Variants in MAST1 observed in about 807,000 individuals in gnomAD.
MAST1 encodes microtubule-associated serine/threonine-protein kinase 1.
MAST1 carries 40 observed loss-of-function variants against 124.6 expected under a neutral mutation model. The observed-to-expected ratio is 0.32, with a 90% CI of 0.25 to 0.42. The LOEUF is 0.42. Ranked by LOEUF, MAST1 falls within the 10% of genes least tolerant of loss-of-function variation. The probability of loss-of-function intolerance (pLI) is 1.00; values close to 1 mark genes in which losing one functional copy is unlikely to be tolerated. For synonymous variants in MAST1, 938 were observed against 939.4 expected (o/e 1.00, Z 0.03); for missense variants, 1,558 against 2,181.9 (o/e 0.71, Z 5.70).
rs11085818 is a variant in MAST1 at position 12,841,457 on chromosome 19, G to A, written c.248+391G>A. Among the ~76,000 whole-genome samples the A allele has an allele frequency of 0.29, 44,363 of 152,180 alleles. 7,073 individuals carry two copies. Among genetic ancestry groups the A allele is most frequent in the East Asian group, 0.61 (3,132 of 5,164 alleles). ...TCGAGGGACTCTTGGTCCCCGAGGT[G>A]GGGGAGGACGACTAGGGCTGTTTCT... On this transcript the variant is annotated intron_variant, in intron 3 of 25. Coordinates refer to ENST00000251472, the MANE Select transcript of MAST1 (RefSeq NM_014975.3). The surrounding 1 kb of genome is among the most constrained non-coding windows in gnomAD (Gnocchi z 4.3).
At chr19:12,842,292 CTTTT>C (rs57798756) in intron 3 of MAST1, among the ~76,000 whole-genome samples, 2 of 148,132 alleles carry the variant, frequency 1.4e-5, no homozygotes, top group African/African-American at 5.0e-5. Flanking sequence ...CTCTCTCTCT[CTTTT>C]TTTTTTCTTT....
Position 12,841,169 on chromosome 19 carries a change from C to G in MAST1, c.248+103C>G. 1.5e-6 allele frequency: 1 copy of G among 673,804 alleles called. No individual in the cohort carries two copies. Among genetic ancestry groups the G allele is most frequent in the Non-Finnish European group, 2.7e-6 (1 of 370,932 alleles). The allele number at this position is 673,804 out of a possible 1,614,324, so 41.7% of individuals were successfully genotyped here. On this transcript the variant is annotated intron_variant, in intron 3 of 25. Coordinates refer to ENST00000251472, the MANE Select transcript of MAST1 (RefSeq NM_014975.3). The surrounding 1 kb of genome is among the most constrained non-coding windows in gnomAD (Gnocchi z 4.3). ...CTCCTAATTGCACCCGAGCTGGGGC[C>G]TGAGGGGACCAGCGAGTGCCCCAAG...
In MAST1 at chr19:12,838,750, C is replaced by CGGTCCAGCTGCGCCAGAGGT; in HGVS notation, c.83+97_83+116dup. 8.7e-7 allele frequency: 1 copy of CGGTCCAGCTGCGCCAGAGGT among 1,146,050 alleles called. No homozygotes were observed. The highest frequency in any genetic ancestry group is 1.2e-6 in the Non-Finnish European group (1 of 825,200). The allele number at this position is 1,146,050 out of a possible 1,614,324, so 71.0% of individuals were successfully genotyped here. On this transcript the variant is annotated intron_variant, in intron 1 of 25. Transcript: ENST00000251472. This position sits in a 1 kb window ranked among gnomAD's most constrained non-coding sequence, Gnocchi z 4.3. Reference sequence around the variant, plus strand: ...AGGGCGGGGCCCGGGATGCTGCGCCCGGTCCAGCTGCGCCAGAGGTGCCCC... The same window carrying CGGTCCAGCTGCGCCAGAGGT: ...AGGGCGGGGCCCGGGATGCTGCGCCCGGTCCAGCTGCGCCAGAGGTGGTCCAGCTGCGCCAGAGGTGCCCC...
intron 12 of MAST1, among the ~76,000 whole-genome samples, chr19:12,863,659 G>A (rs1018561975): frequency 3.3e-5 from 5 of 152,138 alleles, no homozygotes; most frequent in African/African-American, 1.2e-4. Context: ...TACAGGAAAA[G>A]AGTGAAAATT....
At chr19:12,845,031 G>A (rs1373669125) in intron 4 of MAST1, among the ~76,000 whole-genome samples, 1 of 152,142 alleles carries the variant, frequency 6.6e-6, no homozygotes, top group Non-Finnish European at 1.5e-5. Flanking sequence ...GCCGGGCGCG[G>A]TGGCTCATGC....
chr19:12,867,745 G>C lies in MAST1; in HGVS notation c.2334G>C (p.Ala778=). 6.5e-7 allele frequency: 1 copy of C among 1,533,816 alleles called. No individual in the cohort carries two copies. The highest frequency in any genetic ancestry group is 8.8e-7 in the Non-Finnish European group (1 of 1,140,904). The part of the protein sequence containing the change: ...GGSPEIKRFS[A]SEASFLEGEA... ...CTCCATGCAGCAAGCGATTCTCCGC[G>C]TCCGAGGCCAGTTTCCTGGAGGGAG... Residue 778 remains alanine (A), a synonymous_variant, in exon 20 of 26, where the codon GCG becomes GCC. Coordinates refer to ENST00000251472, the MANE Select transcript of MAST1 (RefSeq NM_014975.3).
Position 12,871,088 on chromosome 19 carries a change from G to T in MAST1, c.3179G>T (p.Arg1060Leu). ...ACGCCCTTCGAAAATACCTCTATCC[G>T]CATTGGTCCCGCAAGGCGCAGCAGC... ...TTTPFENTSI[R>L]IGPARRSSYK... is the part of the protein sequence containing the mutation. Residue 1060 changes from arginine (R) to leucine (L), a missense_variant, in exon 24 of 26, where the codon CGC becomes CTC. By Grantham distance (102) the Arg-to-Leu change is moderately radical (BLOSUM62 -2). Around this residue, in one of 10 missense-constraint regions of MAST1, gnomAD observed 291 missense variants for 475.8 expected, o/e 0.61. Transcript: ENST00000251472. 3 of 1,614,190 alleles carry T rather than the reference G, an allele frequency of 1.9e-6. No homozygotes were observed. Among genetic ancestry groups the T allele is most frequent in the Non-Finnish European group, 8.5e-7 (1 of 1,180,030 alleles).
At chr19:12,844,424 C>T (rs993155497) in intron 4 of MAST1, among the ~76,000 whole-genome samples, 1 of 152,162 alleles carries the variant, frequency 6.6e-6, no homozygotes, top group Non-Finnish European at 1.5e-5. Flanking sequence ...TAAATATTCA[C>T]GCAGCCCTCA....
At chr19:12,869,484 A>T (rs1196889075) in intron 22 of MAST1, among the ~76,000 whole-genome samples, 189 bp downstream of exon 22, 2 of 152,012 alleles carry the variant, frequency 1.3e-5, no homozygotes, top group Non-Finnish European at 2.9e-5. Flanking sequence ...GCCAGGCCGG[A>T]GTGCAGTGGC....
intron 10 of MAST1, among the ~76,000 whole-genome samples, chr19:12,857,821 A>G (rs1355747728): frequency 6.6e-6 from 1 of 152,042 alleles, no homozygotes; most frequent in Non-Finnish European, 1.5e-5. Flanking sequence ...TCAGCCTAGG[A>G]GTTCAAGAGC....
At chr19:12,868,368 C>G (rs1486473630) in intron 20 of MAST1, among the ~76,000 whole-genome samples, 1 of 152,012 alleles carries the variant, frequency 6.6e-6, no homozygotes, top group Non-Finnish European at 1.5e-5. Context: ...CTTGGCCTAC[C>G]AAAGTGCTGG....
At chr19:12,846,671 G>T (rs1489556835) in intron 4 of MAST1, among the ~76,000 whole-genome samples, 2 of 152,020 alleles carry the variant, frequency 1.3e-5, no homozygotes, top group Non-Finnish European at 2.9e-5. Context: ...GATGTCAGGA[G>T]TTCAAGACCA....
Position 12,847,101 on chromosome 19 carries a change from C to G in MAST1, c.328-189C>G. On this transcript the variant is annotated intron_variant, in intron 4 of 25. Transcript: ENST00000251472. The surrounding 1 kb of genome is among the most constrained non-coding windows in gnomAD (Gnocchi z 5.5). ...TTTAACAGACTCACTGTCTCCACCCCTGTCTGTCCCTGTCCACCTGTCTGT... is the reference window on the plus strand; with the variant it reads ...TTTAACAGACTCACTGTCTCCACCCGTGTCTGTCCCTGTCCACCTGTCTGT... 1 of 590,424 alleles carries G rather than the reference C, an allele frequency of 1.7e-6. No individual in the cohort carries two copies. The highest frequency in any genetic ancestry group is 3.0e-5 in the Admixed American group (1 of 33,294). 36.6% of individuals were successfully genotyped at this position (590,424 alleles called of 1,614,324 possible). A position where few individuals can be genotyped will look rare whatever the true frequency, so the allele number is the denominator to read the frequency against.
intron 12 of MAST1, among the ~76,000 whole-genome samples, chr19:12,861,326 A>C (rs1970079867): frequency 6.6e-6 from 1 of 152,092 alleles, no homozygotes; most frequent in African/African-American, 2.4e-5. Flanking sequence ...GGCCTCCCAA[A>C]GTGCTGGGAT....
chr19:12,873,676 C>T lies in MAST1; in HGVS notation c.3519C>T (p.His1173=). 2 of 1,599,210 alleles carry T rather than the reference C, an allele frequency of 1.3e-6. No individual in the cohort carries two copies. The highest frequency in any genetic ancestry group is 1.1e-5 in the South Asian group (1 of 90,794). The change falls in exon 26 of 26, where the codon CAC becomes CAT. Residue 1173 remains histidine (H), a synonymous_variant. Coordinates refer to ENST00000251472, the MANE Select transcript of MAST1 (RefSeq NM_014975.3). ...TPNSPASSAS[H]HIRPSTLHGL... ...ACTCGCCTGCGTCGTCGGCGTCGCA[C>T]CACATTCGGCCCAGCACGCTGCACG...
At chr19:12,864,424 C>G (rs1386770606) in intron 12 of MAST1, among the ~76,000 whole-genome samples, 1 of 151,544 alleles carries the variant, frequency 6.6e-6, no homozygotes, top group African/African-American at 2.4e-5. Context: ...TAGTGAAGAC[C>G]AAGAATCTGC....
At position 12,847,036 on chromosome 19, in the gene MAST1, A is replaced by G. The variant is rs10426080; in HGVS notation, c.328-254A>G. On this transcript the variant is annotated intron_variant, in intron 4 of 25. Coordinates refer to ENST00000251472, the MANE Select transcript of MAST1 (RefSeq NM_014975.3). This position sits in a 1 kb window ranked among gnomAD's most constrained non-coding sequence, Gnocchi z 5.5. ...CACCCTGAGTAAGGTGGGAGCCACC[A>G]AGGGTTCTGAACAGAGGAGGCTCAT... 0.4 allele frequency among the ~76,000 whole-genome samples: 60,661 copies of G among 151,924 alleles called. 14,038 individuals carry two copies. Among genetic ancestry groups the G allele is most frequent in the East Asian group, 0.63 (3,247 of 5,138 alleles).
chr19:12,863,839 T>C (rs1225436942), intron 12 of MAST1, among the ~76,000 whole-genome samples: 1 of 151,824 alleles, frequency 6.6e-6, no homozygotes, highest in Non-Finnish European at 1.5e-5. Flanking sequence ...GCCAACACTT[T>C]GGGAAGCTGA....
chr19:12,866,030 A>G lies in MAST1; in HGVS notation c.1957A>G (p.Thr653Ala). 6.2e-7 allele frequency: 1 copy of G among 1,614,138 alleles called. No individual in the cohort carries two copies. Among genetic ancestry groups the G allele is most frequent in the Non-Finnish European group, 8.5e-7 (1 of 1,180,034 alleles). Residue 653 changes from threonine (T) to alanine (A), a missense_variant, in exon 17 of 26, where the codon ACA becomes GCA. Thr to Ala is a moderately conservative substitution (Grantham distance 58). This residue lies in a region of MAST1 where 145 missense variants were observed against 350.0 expected (regional missense o/e 0.41). Transcript: ENST00000251472. This position sits in a 1 kb window ranked among gnomAD's most constrained non-coding sequence, Gnocchi z 5.2. ...CAGTTTCTTTCGAGACCTGGACTGG[A>G]CAGGGCTGCTGAGGCAGAAGGCCGA... ...QHSFFRDLDW[T>A]GLLRQKAEFI...
Sources: gnomAD v4.1 joint callset for allele counts (sites outside exome capture counted in the v4.1 genomes callset) on GRCh38, gnomAD v4.1.1 for gene constraint, gnomAD v4.1.1 regional missense constraint, Gnocchi (gnomAD v3.1) non-coding constraint, MANE v1.5 for transcripts, NCBI Gene and HGNC (gene_info 2026-07-23, HGNC 2026-07-21) for gene names.